The following COL6A6 variants were observed in gnomAD, a reference collection of about 807,000 sequenced individuals.
COL6A6 encodes collagen type VI alpha 6 chain.
In COL6A6, 183 loss-of-function variants were observed where a neutral mutation model predicts 208.6. The ratio of observed to expected loss-of-function variants is 0.88; its 90% CI spans 0.78 to 0.99. The LOEUF (loss-of-function observed/expected upper bound fraction) is 0.99, where lower values mean the gene tolerates loss of function less well. COL6A6 is among the 50% of genes least tolerant of loss of function. COL6A6 has a pLI of 0.00. For missense variants in COL6A6, 2,816 were observed against 2,815.2 expected (o/e 1.00, Z -0.01); for synonymous variants, 973 against 1,011.8 (o/e 0.96, Z 0.73).
At chr3:130,590,980 T>C in intron 12 of COL6A6, 61 bp from the exon 13 acceptor site, 3 of 1,282,708 alleles carry the variant, frequency 2.3e-6, no homozygotes, top group Non-Finnish European at 3.3e-6. Context: ...TGAATTTGGT[T>C]TGGTTACCTC....
At chr3:130,532,436 C>G (rs1229652508) in intron 1 of COL6A6, among the ~76,000 whole-genome samples, 2 of 152,208 alleles carry the variant, frequency 1.3e-5, no homozygotes, top group African/African-American at 4.8e-5. Flanking sequence ...CTACCCCTTG[C>G]GTCCCCAATC....
intron 1 of COL6A6, among the ~76,000 whole-genome samples, chr3:130,551,789 G>T (rs1577678341): frequency 6.6e-6 from 1 of 151,962 alleles, no homozygotes; most frequent in South Asian, 2.1e-4. Context: ...TTTGATGTGG[G>T]TGTTTAGTGC....
At chr3:130,634,428 G>A (rs1164903054) in intron 26 of COL6A6, among the ~76,000 whole-genome samples, 162 bp from the exon 27 acceptor site, 7 of 152,096 alleles carry the variant, frequency 4.6e-5, no homozygotes, top group Non-Finnish European at 1.0e-4. Flanking sequence ...AATTTAGTTT[G>A]TTTCTCAAAT....
chr3:130,580,492 A>G (rs1448560762), intron 8 of COL6A6, among the ~76,000 whole-genome samples: 1 of 152,244 alleles, frequency 6.6e-6, no homozygotes, highest in African/African-American at 2.4e-5. Flanking sequence ...GGTTTTAAGC[A>G]TTTGCAAATG....
intron 23 of COL6A6, among the ~76,000 whole-genome samples, 155 bp downstream of exon 23, chr3:130,610,866 G>T (rs2064336585): frequency 6.6e-6 from 1 of 152,108 alleles, no homozygotes; most frequent in Admixed American, 6.5e-5. Context: ...ATCACATCAT[G>T]GTCCCCATCT....
rs1407528618 is a variant in COL6A6 at position 130,574,330 on chromosome 3, G to A, written c.3352G>A (p.Val1118Met). The change falls in exon 8 of 37, where the codon GTG becomes ATG. Residue 1118 changes from valine to methionine, a missense_variant. Coordinates refer to ENST00000358511, the MANE Select transcript of COL6A6 (RefSeq NM_001102608.3). ...TACAGATGGCCAGTCCCAAGACGAGGTGGCCCAGGCCGCGGAAGCCCTGAG... is the reference window on the plus strand; with the variant it reads ...TACAGATGGCCAGTCCCAAGACGAGATGGCCCAGGCCGCGGAAGCCCTGAG... Reference protein sequence around the residue: ...VLTDGQSQDEVAQAAEALRHR... With the variant: ...VLTDGQSQDEMAQAAEALRHR... 1.9e-6 allele frequency: 3 copies of A among 1,613,898 alleles called. No homozygotes were observed. The highest frequency in any genetic ancestry group is 1.7e-5 in the Admixed American group (1 of 60,008).
chr3:130,675,263 T>C lies in COL6A6; in HGVS notation c.6658T>C (p.Phe2220Leu). The C allele has an allele frequency of 6.3e-7, 1 of 1,586,522 alleles. No homozygotes were observed. Among genetic ancestry groups the C allele is most frequent in the Non-Finnish European group, 8.6e-7 (1 of 1,165,072 alleles). Residue 2220 changes from phenylalanine (F) to leucine (L), a missense_variant, in exon 37 of 37, where the codon TTT becomes CTT. Coordinates refer to ENST00000358511, the MANE Select transcript of COL6A6 (RefSeq NM_001102608.3). Reference protein sequence around the residue: ...KEDVLQKAKFFQDKKYLSRVA... With the variant: ...KEDVLQKAKFLQDKKYLSRVA... ...AGATGTATTACAGAAGGCAAAATTCTTTCAAGATAAAAAATATCTTTCAAG... is the reference window on the plus strand; with the variant it reads ...AGATGTATTACAGAAGGCAAAATTCCTTCAAGATAAAAAATATCTTTCAAG...
Position 130,675,300 on chromosome 3 carries a change from G to A in COL6A6, c.6695G>A (p.Ser2232Asn), listed in dbSNP as rs1356164627. Residue 2232 changes from serine to asparagine, a missense_variant, in exon 37 of 37, where the codon AGT becomes AAT. Coordinates refer to ENST00000358511, the MANE Select transcript of COL6A6 (RefSeq NM_001102608.3). ...AAATATCTTTCAAGAGTAGCAAGAA[G>A]TGGCAGAGATGATGCTATTCAAAAT... ...DKKYLSRVARSGRDDAIQNFM... is the reference protein window; with the variant it reads ...DKKYLSRVARNGRDDAIQNFM... 6.3e-7 allele frequency: 1 copy of A among 1,594,234 alleles called. No homozygotes were observed. The highest frequency in any genetic ancestry group is 8.6e-7 in the Non-Finnish European group (1 of 1,169,354).
chr3:130,568,271 G>C lies in COL6A6; in HGVS notation c.2068G>C (p.Asp690His). Residue 690 changes from aspartate (D) to histidine (H), a missense_variant, in exon 6 of 37, where the codon GAC (aspartate) becomes CAC (histidine). Transcript: ENST00000358511. ...MSQSDISNAI[D>H]QMAHIGQTTL... ...CCAAAGCGACATTTCAAATGCAATAGACCAAATGGCTCACATTGGACAAAC... is the reference window on the plus strand; with the variant it reads ...CCAAAGCGACATTTCAAATGCAATACACCAAATGGCTCACATTGGACAAAC... The C allele has an allele frequency of 6.2e-7, 1 of 1,613,988 alleles. No individual in the cohort carries two copies. Among genetic ancestry groups the C allele is most frequent in the Non-Finnish European group, 8.5e-7 (1 of 1,179,892 alleles).
chr3:130,657,363 A>G (rs1018700407), intron 33 of COL6A6, among the ~76,000 whole-genome samples: 3 of 152,226 alleles, frequency 2.0e-5, no homozygotes, highest in African/African-American at 7.2e-5. Flanking sequence ...CATCAAATCG[A>G]GCAGCCCTCA....
chr3:130,527,698 G>T (rs1177926149), intron 1 of COL6A6, among the ~76,000 whole-genome samples: 3 of 152,138 alleles, frequency 2.0e-5, no homozygotes, highest in Non-Finnish European at 4.4e-5. Flanking sequence ...TCCTTGCTCT[G>T]CAGAGGTTTA....
chr3:130,550,535 C>T (rs1287267846), intron 1 of COL6A6, among the ~76,000 whole-genome samples: 1 of 152,184 alleles, frequency 6.6e-6, no homozygotes, highest in Admixed American at 6.5e-5. Flanking sequence ...ACTTACAGTT[C>T]CACATGGCTG....
At chr3:130,573,616 G>T (rs1205828920) in intron 7 of COL6A6, among the ~76,000 whole-genome samples, 8 of 145,852 alleles carry the variant, frequency 5.5e-5, no homozygotes, top group African/African-American at 7.6e-5. Context: ...ACCCAGGCTG[G>T]AGTGCAGAGG....
chr3:130,590,318 T>A (rs1419314514), intron 12 of COL6A6, among the ~76,000 whole-genome samples: 13 of 99,870 alleles, frequency 1.3e-4, no homozygotes, highest in Non-Finnish European at 2.0e-4. Context: ...TTTTTTTTTT[T>A]TTTTTTTTTT....
At chr3:130,616,040 C>A (rs897253617) in intron 23 of COL6A6, among the ~76,000 whole-genome samples, 11 of 152,060 alleles carry the variant, frequency 7.2e-5, no homozygotes, top group Admixed American at 1.3e-4. Flanking sequence ...TCTTGAAATA[C>A]CTTTGTCAGT....
chr3:130,533,409 A>G (rs2062152837), intron 1 of COL6A6, among the ~76,000 whole-genome samples: 1 of 152,076 alleles, frequency 6.6e-6, no homozygotes, highest in Middle Eastern at 3.2e-3. Flanking sequence ...CCTTTTTTGA[A>G]AGACCTTTGT....
intron 1 of COL6A6, among the ~76,000 whole-genome samples, chr3:130,520,352 C>T (rs984447015): frequency 6.6e-6 from 1 of 152,150 alleles, no homozygotes; most frequent in African/African-American, 2.4e-5. Context: ...TGACTAAAGG[C>T]CGACCTTTCT....
chr3:130,618,793 ATT>A (rs1241908579), intron 23 of COL6A6, among the ~76,000 whole-genome samples: 1 of 152,182 alleles, frequency 6.6e-6, no homozygotes, highest in Non-Finnish European at 1.5e-5. Flanking sequence ...CATCCAAGAC[ATT>A]TTTTATTTTG....
chr3:130,538,280 A>C (rs1256540974), intron 1 of COL6A6, among the ~76,000 whole-genome samples: 3 of 152,212 alleles, frequency 2.0e-5, no homozygotes, highest in African/African-American at 7.2e-5. Flanking sequence ...AAGACTTGGA[A>C]ATCTGCAAAA....
Sources: gnomAD v4.1 joint callset for allele counts (sites outside exome capture counted in the v4.1 genomes callset) on GRCh38, gnomAD v4.1.1 for gene constraint, MANE v1.5 for transcripts, NCBI Gene and HGNC (gene_info 2026-07-23, HGNC 2026-07-21) for gene names.